The following RPS6KA2 variants were observed in gnomAD, a reference collection of about 807,000 sequenced individuals.
The protein encoded by RPS6KA2 is ribosomal protein S6 kinase alpha-2.
Under a neutral mutation model 91.8 loss-of-function variants are expected in RPS6KA2, and 42 were observed. The ratio of observed to expected loss-of-function variants is 0.46; its 90% CI spans 0.36 to 0.59. The LOEUF (loss-of-function observed/expected upper bound fraction) is 0.59, where lower values mean the gene tolerates loss of function less well. RPS6KA2 is among the 20% of genes least tolerant of loss of function. The pLI is 0.00. For missense variants in RPS6KA2, 798 were observed against 978.5 expected, an observed-to-expected ratio of 0.82 and a Z score of 2.46; for synonymous variants, 414 against 393.6, an observed-to-expected ratio of 1.05 and a Z score of -0.61.
rs983487334 is a variant in RPS6KA2, at chr6:166,515,463, T to C, written c.299-5106A>G. On this transcript the variant is annotated intron_variant, in intron 3 of 20. Coordinates refer to ENST00000265678, the MANE Select transcript of RPS6KA2 (RefSeq NM_021135.6). The stretch of plus-strand genomic sequence containing the variant: ...TTTTATCCATTCATTCTTGAAAAAA[T>C]AGTTCCTGATGTAGATAAAAAGAAG... Among the ~76,000 whole-genome samples the C allele has an allele frequency of 3.3e-5, 5 of 152,300 alleles. No individual in the cohort carries two copies. In the South Asian group the frequency reaches 1.0e-3, roughly 32 times the overall value.
rs549433904 is a variant in RPS6KA2 at position 166,702,801 on chromosome 6, G to A, written c.123+155399C>T. ...AGATACCTTCTAGGTCCAAGGGGGC[G>A]GCGTTCTCGCTGAGGTTTCTGATAT... On this transcript the variant is annotated intron_variant, in intron 2 of 21. Transcript: ENST00000503859. The A allele has an allele frequency of 1.0e-5, 11 of 1,072,578 alleles. No individual in the cohort carries two copies. The Admixed American group carries it at 1.4e-4, about 13-fold the overall frequency. The allele number at this position is 1,072,578 out of a possible 1,614,324, so 66.4% of individuals were successfully genotyped here.
chr6:166,761,116 T>C (rs1163898932), intron 2 of RPS6KA2, among the ~76,000 whole-genome samples: 1 of 152,214 alleles, frequency 6.6e-6, no homozygotes, highest in Non-Finnish European at 1.5e-5. Context: ...CAGGCTGGAG[T>C]GCAGTGGTGC....
chr6:166,466,515 C>G (rs1333997119), intron 11 of RPS6KA2, among the ~76,000 whole-genome samples: 2 of 152,194 alleles, frequency 1.3e-5, no homozygotes, highest in African/African-American at 4.8e-5. Flanking sequence ...TCTTTCCTAC[C>G]AGCTGCAGCC....
intron 2 of RPS6KA2, among the ~76,000 whole-genome samples, chr6:166,771,219 G>A (rs1778462939): frequency 6.6e-6 from 1 of 152,164 alleles, no homozygotes; most frequent in Non-Finnish European, 1.5e-5. Context: ...TCTCTTTCAA[G>A]CTCCATATGC....
chr6:166,513,132 T>C (rs1782528068), intron 3 of RPS6KA2, among the ~76,000 whole-genome samples: 1 of 152,216 alleles, frequency 6.6e-6, no homozygotes, highest in Non-Finnish European at 1.5e-5. Flanking sequence ...TTTACGAATT[T>C]GGGTTGGGCT....
chr6:166,834,347 T>C (rs1472232471), intron 2 of RPS6KA2, among the ~76,000 whole-genome samples: 1 of 152,226 alleles, frequency 6.6e-6, no homozygotes, highest in East Asian at 1.9e-4. Flanking sequence ...TTAAAATGTC[T>C]GTTCAGCAGG....
rs540495137 is a variant in RPS6KA2, at chr6:166,527,564, A to C, written c.298+3668T>G. ...TTTTAAGAATAACAGCTTTTTGGAGATATAATTCACATTCCATATGATTTG... is the reference window on the plus strand; with the variant it reads ...TTTTAAGAATAACAGCTTTTTGGAGCTATAATTCACATTCCATATGATTTG... On this transcript the variant is annotated intron_variant, in intron 3 of 20. Coordinates refer to ENST00000265678, the MANE Select transcript of RPS6KA2 (RefSeq NM_021135.6). Among the ~76,000 whole-genome samples, 289 of 152,342 alleles carry C rather than the reference A, an allele frequency of 1.9e-3. 1 individual carries two copies. Among genetic ancestry groups the C allele is most frequent in the African/African-American group, 6.6e-3 (274 of 41,568 alleles).
chr6:166,526,897 C>T (rs1363351011), intron 3 of RPS6KA2, among the ~76,000 whole-genome samples: 2 of 152,204 alleles, frequency 1.3e-5, no homozygotes, highest in Non-Finnish European at 2.9e-5. Context: ...ACACACACCT[C>T]ACTACTGCTC....
chr6:166,834,566 A>C (rs1780272663), intron 2 of RPS6KA2, among the ~76,000 whole-genome samples: 1 of 152,204 alleles, frequency 6.6e-6, no homozygotes, highest in South Asian at 2.1e-4. Flanking sequence ...CCCATGACAC[A>C]GGTTACTTAT....
intron 2 of RPS6KA2, among the ~76,000 whole-genome samples, chr6:166,637,351 G>A (rs1317613819): frequency 2.6e-5 from 4 of 152,260 alleles, no homozygotes; most frequent in Admixed American, 2.6e-4. Context: ...GGACCTCCAG[G>A]AGAGAAGGGT....
chr6:166,808,637 A>G (rs112412081), intron 2 of RPS6KA2, among the ~76,000 whole-genome samples: 112 of 152,236 alleles, frequency 7.4e-4, no homozygotes, highest in Non-Finnish European at 1.2e-3. Flanking sequence ...CAAAAGAACC[A>G]CGTGTTCAGT....
chr6:166,658,724 GTGT>G (rs1460927200), intron 2 of RPS6KA2, among the ~76,000 whole-genome samples: 2 of 152,178 alleles, frequency 1.3e-5, no homozygotes, highest in Non-Finnish European at 2.9e-5. Flanking sequence ...GTGGTTTGTG[GTGT>G]TGAAGTTGGC....
chr6:166,691,740 T>C (rs540039406), intron 2 of RPS6KA2, among the ~76,000 whole-genome samples: 158 of 152,180 alleles, frequency 1.0e-3, no homozygotes, highest in Non-Finnish European at 1.9e-3. Flanking sequence ...TCAAAAGGAG[T>C]GGAGGCTCCT....
In RPS6KA2 at chr6:166,841,772, C is replaced by T. The variant is rs114861959; in HGVS notation, c.123+16428G>A. ...CCCTTTTGACATGGTATGACGGTAA[C>T]ACCCCGTGACCACTCTCTAAAGAGA... is the stretch of plus-strand genomic sequence containing the variant. On this transcript the variant is annotated intron_variant, in intron 2 of 21. Transcript: ENST00000503859. 8.9e-3 allele frequency among the ~76,000 whole-genome samples: 1,359 copies of T among 152,322 alleles called. 25 individuals carry two copies. The highest frequency in any genetic ancestry group is 0.031 in the African/African-American group (1,289 of 41,556).
intron 2 of RPS6KA2, among the ~76,000 whole-genome samples, chr6:166,692,611 T>A (rs567521644): frequency 1.1e-4 from 16 of 152,314 alleles, no homozygotes; most frequent in African/African-American, 3.8e-4. Context: ...CTAAGCTGCA[T>A]ATTAAGTAAA....
chr6:166,627,144 C>G lies in RPS6KA2; in HGVS notation c.-125G>C. On this transcript the variant is annotated 5_prime_UTR_variant, in exon 1 of 21. Transcript: ENST00000265678. ...GGGAGCCCGGCACGGCGGCCATGGG[C>G]GCGGGGCGTGGGGCGCGAGCTGCGG... 1 of 1,130,242 alleles carries G rather than the reference C, an allele frequency of 8.8e-7. No homozygotes were observed. The highest frequency in any genetic ancestry group is 1.1e-6 in the Non-Finnish European group (1 of 923,144). 70.0% of individuals were successfully genotyped at this position (1,130,242 alleles called of 1,614,324 possible).
At position 166,626,945 on chromosome 6, in the gene RPS6KA2, C is replaced by T. The variant is rs777308464; in HGVS notation, c.75G>A (p.Lys25=). The T allele has an allele frequency of 3.2e-6, 5 of 1,556,686 alleles. No homozygotes were observed. The highest frequency in any genetic ancestry group is 4.3e-6 in the Non-Finnish European group (5 of 1,150,356). ...SVYLRRKSRS[K]SSSLSRLEEE... ...CCTCGAGCCGGCTCAGGCTGGAGCT[C>T]TTGGAGCGCGACTTCCTGCGCAGGT... The change falls in exon 1 of 21, where the codon AAG becomes AAA. Residue 25 remains lysine, a synonymous_variant. Transcript: ENST00000265678. The surrounding 1 kb of genome is among the most constrained non-coding windows in gnomAD (Gnocchi z 4.1).
chr6:166,610,039 T>C (rs1440516555), intron 1 of RPS6KA2, among the ~76,000 whole-genome samples: 1 of 152,206 alleles, frequency 6.6e-6, no homozygotes, highest in African/African-American at 2.4e-5. Context: ...TCTCCTCCTA[T>C]CTCCTCATTA....
chr6:166,787,719 C>A (rs777351167), intron 2 of RPS6KA2, among the ~76,000 whole-genome samples: 3 of 152,058 alleles, frequency 2.0e-5, no homozygotes, highest in Non-Finnish European at 4.4e-5. Context: ...GCCATAAAAA[C>A]TCTAGAAGAA....
Sources: allele counts gnomAD v4.1 joint callset (sites outside exome capture counted in the v4.1 genomes callset), GRCh38; gene constraint gnomAD v4.1.1; non-coding constraint Gnocchi (gnomAD v3.1); transcripts MANE v1.5; gene names NCBI Gene and HGNC (gene_info 2026-07-23, HGNC 2026-07-21).